The following NRG3 variants were observed in gnomAD, a reference collection of about 807,000 sequenced individuals.
The protein encoded by NRG3 is pro-neuregulin-3, membrane-bound isoform.
Under a neutral mutation model 66.9 loss-of-function variants are expected in NRG3, and 31 were observed. That is an observed-to-expected ratio of 0.46 (90% confidence interval 0.35 to 0.63). The LOEUF (loss-of-function observed/expected upper bound fraction) is 0.63, where lower values mean the gene tolerates loss of function less well. NRG3 is among the 20% of genes least tolerant of loss of function. The pLI, the probability that NRG3 is intolerant of heterozygous loss-of-function variation, is 0.00. For missense variants in NRG3, 910 were observed against 878.9 expected (o/e 1.04, Z -0.45); for synonymous variants, 393 against 359.4 (o/e 1.09, Z -1.06).
intron 1 of NRG3, among the ~76,000 whole-genome samples, chr10:82,032,183 T>C (rs2062601255): frequency 6.6e-6 from 1 of 151,840 alleles, no homozygotes; most frequent in Admixed American, 6.6e-5. Context: ...TGTTTAAGAG[T>C]CATGATGTTA....
intron 2 of NRG3, among the ~76,000 whole-genome samples, chr10:82,398,680 G>A (rs7073180): frequency 0.4 from 61,308 of 151,716 alleles, 15,136 homozygotes; most frequent in African/African-American, 0.69. Flanking sequence ...AAAGGTAAAA[G>A]TCACTTCCAA....
intron 4 of NRG3, among the ~76,000 whole-genome samples, chr10:82,902,503 G>A (rs1405190255): frequency 6.6e-6 from 1 of 151,972 alleles, no homozygotes; most frequent in African/African-American, 2.4e-5. Context: ...CCATAAAAAA[G>A]GAAATTCGGA....
chr10:82,452,738 G>T (rs1308515543), intron 2 of NRG3, among the ~76,000 whole-genome samples: 2 of 151,944 alleles, frequency 1.3e-5, no homozygotes, highest in Non-Finnish European at 2.9e-5. Flanking sequence ...ATATAGTCAT[G>T]TGTTGATTCA....
intron 2 of NRG3, among the ~76,000 whole-genome samples, chr10:82,466,208 C>T (rs541844170): frequency 2.6e-5 from 4 of 152,098 alleles, no homozygotes; most frequent in Non-Finnish European, 5.9e-5. Flanking sequence ...CTACTTGGTA[C>T]AGCAACTCTG....
intron 1 of NRG3, among the ~76,000 whole-genome samples, chr10:82,056,166 C>T (rs565008855): frequency 6.6e-6 from 1 of 152,038 alleles, no homozygotes; most frequent in African/African-American, 2.4e-5. Flanking sequence ...GCGAGTTAGA[C>T]ATTTTTTCTT....
chr10:82,617,927 A>G (rs553391760), intron 2 of NRG3, among the ~76,000 whole-genome samples: 6 of 152,240 alleles, frequency 3.9e-5, no homozygotes, highest in Admixed American at 2.6e-4. Context: ...AAAATAAAAT[A>G]TCATTTAGGG....
intron 1 of NRG3, among the ~76,000 whole-genome samples, chr10:81,914,541 T>C (rs1368419298): frequency 6.6e-6 from 1 of 151,930 alleles, no homozygotes; most frequent in Non-Finnish European, 1.5e-5. Flanking sequence ...GAGACCAGCC[T>C]GGGCAACATT....
At chr10:82,384,359 G>A (rs1395709818) in intron 2 of NRG3, among the ~76,000 whole-genome samples, 1 of 152,016 alleles carries the variant, frequency 6.6e-6, no homozygotes, top group Non-Finnish European at 1.5e-5. Context: ...ATGTGCCATG[G>A]TGGTTTGCTG....
chr10:81,938,860 AT>A, intron 1 of NRG3, among the ~76,000 whole-genome samples: 1 of 151,794 alleles, frequency 6.6e-6, no homozygotes, highest in Admixed American at 6.6e-5. Context: ...AAAGCTTTGA[AT>A]TTTTTCTTGT....
chr10:82,632,808 A>T (rs532788861), intron 2 of NRG3, among the ~76,000 whole-genome samples: 1 of 152,124 alleles, frequency 6.6e-6, no homozygotes, highest in East Asian at 1.9e-4. Context: ...TTGATGATTG[A>T]CTTGGTTCAT....
chr10:82,209,345 ACTCT>A (rs66897277), intron 1 of NRG3, among the ~76,000 whole-genome samples: 28,754 of 151,706 alleles, frequency 0.19, 3,065 homozygotes, highest in East Asian at 0.36. Context: ...TACATATTAC[ACTCT>A]CTCTCTCAAA....
chr10:82,685,693 AATACACATTGTACAGCC>A (rs537760375), intron 2 of NRG3, among the ~76,000 whole-genome samples: 6 of 152,212 alleles, frequency 3.9e-5, no homozygotes, highest in Non-Finnish European at 7.3e-5. Flanking sequence ...CTTAGTTTAA[AATACACATTGTACAGCC>A]ATACACATTG....
At position 82,094,037 on chromosome 10, in the gene NRG3, G is replaced by A. The variant is rs191926838; in HGVS notation, c.823+217874G>A. Among the ~76,000 whole-genome samples, 346 of 152,128 alleles carry A rather than the reference G, an allele frequency of 2.3e-3. 2 individuals carry two copies. The highest frequency in any genetic ancestry group is 8.0e-3 in the African/African-American group (334 of 41,512). Reference sequence around the variant, plus strand: ...GCTTTGTAAACTCCATGTAAATTACGACACAAATGTAAGGTATTATTATAC... The same window carrying A: ...GCTTTGTAAACTCCATGTAAATTACAACACAAATGTAAGGTATTATTATAC... On this transcript the variant is annotated intron_variant, in intron 1 of 8. Transcript: ENST00000372141.
chr10:82,410,707 C>A (rs1240205102), intron 2 of NRG3, among the ~76,000 whole-genome samples: 3 of 151,718 alleles, frequency 2.0e-5, no homozygotes, highest in Non-Finnish European at 4.4e-5. Flanking sequence ...TTTGTGATAT[C>A]CAAATGTATC....
chr10:82,835,493 C>T (rs73309159), intron 3 of NRG3, among the ~76,000 whole-genome samples: 2 of 151,946 alleles, frequency 1.3e-5, no homozygotes, highest in Non-Finnish European at 2.9e-5. Flanking sequence ...AAGAGATGAC[C>T]CAGAATCAGA....
At chr10:82,374,311 T>A (rs1011343670) in intron 2 of NRG3, among the ~76,000 whole-genome samples, 5 of 152,168 alleles carry the variant, frequency 3.3e-5, no homozygotes, top group African/African-American at 1.2e-4. Flanking sequence ...AGAGGGAAGG[T>A]CGCTTCCTCA....
chr10:82,376,399 T>C (rs953083853), intron 2 of NRG3, among the ~76,000 whole-genome samples: 5 of 152,216 alleles, frequency 3.3e-5, no homozygotes, highest in Non-Finnish European at 5.9e-5. Flanking sequence ...CCACTGGGGC[T>C]TCCCAGGTCC....
chr10:82,912,468 A>G (rs890555333), intron 4 of NRG3, among the ~76,000 whole-genome samples: 1 of 152,144 alleles, frequency 6.6e-6, no homozygotes. Flanking sequence ...TGAAATTAAT[A>G]TAGTCACACC....
rs554221905 is a variant in NRG3 at position 82,321,246 on chromosome 10, C to T, written c.824-37493C>T. Among the ~76,000 whole-genome samples the T allele has an allele frequency of 1.9e-3, 291 of 149,818 alleles. 3 individuals carry two copies. The highest frequency in any genetic ancestry group is 3.6e-3 in the Non-Finnish European group (247 of 67,734). On this transcript the variant is annotated intron_variant, in intron 1 of 8. Transcript: ENST00000372141. The stretch of plus-strand genomic sequence containing the variant: ...CTCCCCCTCCAGTAAAGGGTTTGAG[C>T]GCATGGTGGCTGAACAGGTAAGCCA...
Sources: gnomAD v4.1 joint callset for allele counts (sites outside exome capture counted in the v4.1 genomes callset) on GRCh38, gnomAD v4.1.1 for gene constraint, MANE v1.5 for transcripts, NCBI Gene and HGNC (gene_info 2026-07-23, HGNC 2026-07-21) for gene names.